The following DIP2A variants were observed in gnomAD, a reference collection of about 807,000 sequenced individuals.
DIP2A encodes the protein disco-interacting protein 2 homolog A.
DIP2A carries 85 observed loss-of-function variants against 177.4 expected under a neutral mutation model. The observed-to-expected ratio is 0.48, with a 90% CI of 0.40 to 0.57. The LOEUF (loss-of-function observed/expected upper bound fraction) is 0.57. Ranked by LOEUF, DIP2A falls within the 20% of genes least tolerant of loss-of-function variation. The probability of loss-of-function intolerance (pLI) is 0.00; values close to 1 mark genes in which losing one functional copy is unlikely to be tolerated. For synonymous variants in DIP2A, 886 were observed against 881.8 expected (o/e 1.00, Z -0.08); for missense variants, 1,791 against 2,100.2 (o/e 0.85, Z 2.88).
chr21:46,537,484 C>T lies in DIP2A; in HGVS notation c.1746C>T (p.Tyr582=), dbSNP rs370695651. ...MNRMHVVSVP[Y]ALMKANPLSW... is the part of the protein sequence containing the mutation. ...GGATGCACGTGGTCAGCGTCCCCTA[C>T]GCGCTGATGAAGGCGAACCCACTCT... The change falls in exon 15 of 38, where the codon TAC becomes TAT. Residue 582 remains tyrosine (Y), a synonymous_variant. Coordinates refer to ENST00000417564, the MANE Select transcript of DIP2A (RefSeq NM_015151.4). The surrounding 1 kb of genome is among the most constrained non-coding windows in gnomAD (Gnocchi z 4.1). The T allele has an allele frequency of 8.1e-6, 13 of 1,614,216 alleles. No homozygotes were observed. The highest frequency in any genetic ancestry group is 4.0e-5 in the African/African-American group (3 of 75,052).
rs1263930473 is a variant in DIP2A, at chr21:46,550,547, T to C, written c.2642T>C (p.Ile881Thr). 1 of 1,612,508 alleles carries C rather than the reference T, an allele frequency of 6.2e-7. No individual in the cohort carries two copies. The highest frequency in any genetic ancestry group is 8.5e-7 in the Non-Finnish European group (1 of 1,179,372). Residue 881 changes from isoleucine to threonine, a missense_variant, in exon 23 of 38, where the codon ATT (isoleucine) becomes ACT (threonine). By Grantham distance (89) the Ile-to-Thr change is moderately conservative. Coordinates refer to ENST00000417564, the MANE Select transcript of DIP2A (RefSeq NM_015151.4). ...AACAGGGTCCTTCCCTTTCAGGCCA[T>C]TGATAGCATCCACCAGGTGGGCGTG... Reference protein sequence around the residue: ...FQWMSRVLQAIDSIHQVGVYC... With the variant: ...FQWMSRVLQATDSIHQVGVYC...
At chr21:46,566,536 C>T (rs373693484) in intron 36 of DIP2A, 24 bp from the exon 37 acceptor site, 32 of 1,613,820 alleles carry the variant, frequency 2.0e-5, no homozygotes, top group African/African-American at 1.9e-4. Context: ...TTTCTGGGCA[C>T]GTGTAAACAC....
At chr21:46,484,140 C>T (rs1298512941) in intron 1 of DIP2A, among the ~76,000 whole-genome samples, 1 of 152,174 alleles carries the variant, frequency 6.6e-6, no homozygotes, top group East Asian at 1.9e-4. Context: ...ACTTGTGAAA[C>T]TTGAACCTGC....
chr21:46,459,245 C>T (rs918241379), intron 1 of DIP2A, 23 bp downstream of exon 1: 4 of 1,507,776 alleles, frequency 2.7e-6, no homozygotes, highest in Non-Finnish European at 3.5e-6. Context: ...CCGCCCTCAA[C>T]CCCCGCGACC....
intron 23 of DIP2A, 67 bp from the exon 24 acceptor site, chr21:46,551,567 A>G (rs2060272822): frequency 3.0e-6 from 4 of 1,349,830 alleles, no homozygotes; most frequent in East Asian, 2.5e-5. Context: ...AAAATTGTAA[A>G]TAAAATCACG....
chr21:46,533,881 A>C, intron 11 of DIP2A, 123 bp from the exon 12 acceptor site: 1 of 996,964 alleles, frequency 1.0e-6, no homozygotes, highest in South Asian at 1.6e-5. Context: ...ATGAAATGAG[A>C]CTAAAACTTG....
At position 46,532,259 on chromosome 21, in the gene DIP2A, T is replaced by A. The variant is rs775791972; in HGVS notation, c.1305+22T>A. On this transcript the variant is annotated intron_variant, in intron 10 of 37. Coordinates refer to ENST00000417564, the MANE Select transcript of DIP2A (RefSeq NM_015151.4). Reference sequence around the variant, plus strand: ...AAAGGTAGCAAACCCATGGCTCAGGTCCCGTGTGGTTCGCTTCTGAACTTG... The same window carrying A: ...AAAGGTAGCAAACCCATGGCTCAGGACCCGTGTGGTTCGCTTCTGAACTTG... The A allele has an allele frequency of 3.8e-6, 6 of 1,598,980 alleles. No homozygotes were observed. The Admixed American group carries it at 6.7e-5, about 18-fold the overall frequency.
intron 3 of DIP2A, among the ~76,000 whole-genome samples, chr21:46,495,667 G>A (rs1018931764): frequency 6.6e-6 from 1 of 151,902 alleles, no homozygotes; most frequent in Non-Finnish European, 1.5e-5. Flanking sequence ...GGAGGCAGTG[G>A]TACAGGCATA....
chr21:46,556,844 G>T lies in DIP2A; in HGVS notation c.3499-95G>T. Reference sequence around the variant, plus strand: ...ATGATGTTTGGTAGTTCGGAGCTATGGTCTAGCCATGTGAACAGCGGACAC... The same window carrying T: ...ATGATGTTTGGTAGTTCGGAGCTATTGTCTAGCCATGTGAACAGCGGACAC... On this transcript the variant is annotated intron_variant, in intron 29 of 37. Transcript: ENST00000417564. This position sits in a 1 kb window ranked among gnomAD's most constrained non-coding sequence, Gnocchi z 4.5. The T allele has an allele frequency of 8.8e-7, 1 of 1,140,040 alleles. No homozygotes were observed. The highest frequency in any genetic ancestry group is 1.6e-5 in the South Asian group (1 of 62,038). 70.6% of individuals were successfully genotyped at this position (1,140,040 alleles called of 1,614,324 possible).
At position 46,563,561 on chromosome 21, in the gene DIP2A, G is replaced by A. The variant is rs776696571; in HGVS notation, c.4090-297G>A. ...ACCCCTGGATGGATGCCCATCAGGT[G>A]CGCTGGCATCACCTGGCTGATTGTC... is the stretch of plus-strand genomic sequence containing the variant. On this transcript the variant is annotated intron_variant, in intron 34 of 37. Transcript: ENST00000417564. The surrounding 1 kb of genome is among the most constrained non-coding windows in gnomAD (Gnocchi z 4.3). 21 of 372,422 alleles carry A rather than the reference G, an allele frequency of 5.6e-5. No homozygotes were observed. The highest frequency in any genetic ancestry group is 8.6e-5 in the Non-Finnish European group (17 of 198,418). The allele number at this position is 372,422 out of a possible 1,614,324, so 23.1% of individuals were successfully genotyped here.
the DIP2A span, among the ~76,000 whole-genome samples, chr21:46,581,795 A>G: frequency 6.6e-6 from 1 of 152,188 alleles, no homozygotes; most frequent in African/African-American, 2.4e-5. Context: ...TAGAACACCA[A>G]AGATGGCTGC....
intron 2 of DIP2A, among the ~76,000 whole-genome samples, chr21:46,489,087 A>C (rs2056855592): frequency 6.6e-6 from 1 of 152,150 alleles, no homozygotes. Flanking sequence ...ACACAGACAC[A>C]CACAAACACA....
chr21:46,546,136 A>C, intron 20 of DIP2A, 175 bp downstream of exon 20: 2 of 1,450,234 alleles, frequency 1.4e-6, no homozygotes, highest in Non-Finnish European at 1.8e-6. Context: ...GGCCATCCAC[A>C]CCTCCGAGAC....
chr21:46,546,898 C>T lies in DIP2A; in HGVS notation c.2395-17C>T, dbSNP rs757123643. The stretch of plus-strand genomic sequence containing the variant: ...TGCCCGTGTGGGTGGAGTCTTGACG[C>T]ACACCCTTTCCCTCAGGACAACCTG... On this transcript the variant is annotated splice_polypyrimidine_tract_variant and intron_variant, in intron 20 of 37. Transcript: ENST00000417564. The T allele has an allele frequency of 4.5e-5, 72 of 1,613,208 alleles. No individual in the cohort carries two copies. Among genetic ancestry groups the T allele is most frequent in the African/African-American group, 2.3e-4 (17 of 74,908 alleles).
chr21:46,508,171 C>A (rs866195987), intron 6 of DIP2A, among the ~76,000 whole-genome samples: 4 of 151,866 alleles, frequency 2.6e-5, no homozygotes, highest in Middle Eastern at 3.4e-3. Context: ...GGAGCAGGGA[C>A]TGCAGGCACA....
chr21:46,524,871 G>GC (rs2058996366), intron 8 of DIP2A, among the ~76,000 whole-genome samples: 1 of 63,134 alleles, frequency 1.6e-5, no homozygotes, highest in African/African-American at 7.3e-5. Flanking sequence ...TTTGCTTTTT[G>GC]CTTTTTTTTT....
intron 3 of DIP2A, among the ~76,000 whole-genome samples, chr21:46,491,577 A>AT (rs140262350): frequency 6.6e-6 from 1 of 152,324 alleles, no homozygotes; most frequent in African/African-American, 2.4e-5. Context: ...TATAAAAAAT[A>AT]TTATACCAAA....
chr21:46,507,692 C>CTTTTTTTTTTTTTTTTTTTTTTTTTTTT (rs34594717), intron 6 of DIP2A, among the ~76,000 whole-genome samples: 1 of 43,952 alleles, frequency 2.3e-5, no homozygotes, highest in African/African-American at 1.0e-4. Context: ...ATTTTCTGTT[C>CTTTTTTTTTTTTTTTTTTTTTTTTTTTT]TTTTTTTTTT....
chr21:46,465,541 C>G (rs1022446709), intron 1 of DIP2A, among the ~76,000 whole-genome samples: 2 of 152,112 alleles, frequency 1.3e-5, no homozygotes, highest in African/African-American at 4.8e-5. Context: ...ACTAAGATGC[C>G]ATTTCTGTTT....
Sources: allele counts gnomAD v4.1 joint callset (sites outside exome capture counted in the v4.1 genomes callset), GRCh38; gene constraint gnomAD v4.1.1; non-coding constraint Gnocchi (gnomAD v3.1); transcripts MANE v1.5; gene names NCBI Gene and HGNC (gene_info 2026-07-23, HGNC 2026-07-21).